Variants in KIF3A observed in about 807,000 individuals in gnomAD.
KIF3A encodes the protein kinesin family member 3A.
Under a neutral mutation model 92.6 loss-of-function variants are expected in KIF3A, and 27 were observed. That is an observed-to-expected ratio of 0.29 (90% CI 0.21 to 0.40). KIF3A has a LOEUF of 0.40. Ranked by LOEUF, KIF3A falls within the 10% of genes least tolerant of loss-of-function variation. The pLI, the probability that KIF3A is intolerant of heterozygous loss-of-function variation, is 1.00. For synonymous variants in KIF3A, 250 were observed against 275.4 expected, an observed-to-expected ratio of 0.91 and a Z score of 0.92; for missense variants, 581 against 872.6, an observed-to-expected ratio of 0.67 and a Z score of 4.21.
intron 2 of KIF3A, among the ~76,000 whole-genome samples, chr5:132,728,906 AC>A (rs1426578312): frequency 2.0e-5 from 3 of 152,082 alleles, no homozygotes; most frequent in African/African-American, 2.4e-5. Context: ...ACACAGTGAG[AC>A]CCCATCTCTA....
intron 12 of KIF3A, 61 bp from the exon 13 acceptor site, chr5:132,703,126 T>A: frequency 7.1e-7 from 1 of 1,404,958 alleles, no homozygotes; most frequent in South Asian, 1.3e-5. Context: ...ACTAATATCA[T>A]TTCCCAAAAT....
At chr5:132,696,789 C>G (rs1752853926) in intron 18 of KIF3A, 107 bp from the exon 19 acceptor site, 3 of 802,162 alleles carry the variant, frequency 3.7e-6, no homozygotes, top group Non-Finnish European at 4.1e-6. Context: ...AGTCTGGAAA[C>G]AAGCCAAAAT....
At chr5:132,703,118 T>A in intron 12 of KIF3A, 53 bp from the exon 13 acceptor site, 1 of 1,445,984 alleles carries the variant, frequency 6.9e-7, no homozygotes, top group Non-Finnish European at 9.4e-7. Flanking sequence ...ATTATTCTAC[T>A]AATATCATTT....
At chr5:132,707,667 T>C (rs1353377502) in intron 10 of KIF3A, among the ~76,000 whole-genome samples, 4 of 152,112 alleles carry the variant, frequency 2.6e-5, no homozygotes, top group Non-Finnish European at 5.9e-5. Context: ...AAATTGTCAA[T>C]AGAGAAGGAG....
downstream of KIF3A, among the ~76,000 whole-genome samples, chr5:132,691,863 C>T (rs1752673094): frequency 6.6e-6 from 1 of 151,208 alleles, no homozygotes; most frequent in Admixed American, 6.6e-5. Context: ...GACTGTGCCA[C>T]TGCACTCCAG....
downstream of KIF3A, among the ~76,000 whole-genome samples, chr5:132,689,395 A>G (rs1231962489): frequency 6.6e-6 from 1 of 152,214 alleles, no homozygotes; most frequent in African/African-American, 2.4e-5. Flanking sequence ...ACAGAAAATA[A>G]CATTATTAGG....
chr5:132,717,636 T>TA lies in KIF3A; in HGVS notation c.617-653dup, dbSNP rs577412461. On this transcript the variant is annotated intron_variant, in intron 5 of 18. Coordinates refer to ENST00000403231, the MANE Select transcript of KIF3A (RefSeq NM_001300791.2). ...AATACATAACATAATCCTACTTCTG[T>TA]AAAAAAAAAAAATCCATTCAAAATA... Among the ~76,000 whole-genome samples the TA allele has an allele frequency of 1.7e-3, 244 of 145,718 alleles. 1 individual carries two copies. Among genetic ancestry groups the TA allele is most frequent in the African/African-American group, 4.7e-3 (190 of 40,034 alleles).
intron 1 of KIF3A, among the ~76,000 whole-genome samples, chr5:132,734,994 A>C (rs1754343426): frequency 6.6e-6 from 1 of 152,252 alleles, no homozygotes; most frequent in Non-Finnish European, 1.5e-5. Context: ...GACAGAAATG[A>C]AAGTCTAATG....
intron 4 of KIF3A, chr5:132,723,075 T>C (rs1462648133): frequency 6.6e-6 from 1 of 152,150 alleles, no homozygotes; most frequent in Non-Finnish European, 1.5e-5. Context: ...AAAACGTATG[T>C]TATTTAGAAA....
chr5:132,730,365 C>G (rs1754184590), intron 2 of KIF3A, among the ~76,000 whole-genome samples: 1 of 151,786 alleles, frequency 6.6e-6, no homozygotes, highest in African/African-American at 2.4e-5. Flanking sequence ...ACCCAGGTGG[C>G]TGAGGCGAGA....
In KIF3A at chr5:132,729,633, A is replaced by T. The variant is rs77437025; in HGVS notation, c.281-3135T>A. Reference sequence around the variant, plus strand: ...ATTTAAAAATATTTGGAAACTAAATAACACATTTCTAAATAACCCAGGATC... The same window carrying T: ...ATTTAAAAATATTTGGAAACTAAATTACACATTTCTAAATAACCCAGGATC... On this transcript the variant is annotated intron_variant, in intron 2 of 18. Transcript: ENST00000403231. Among the ~76,000 whole-genome samples the T allele has an allele frequency of 1.2e-4, 18 of 152,366 alleles. No homozygotes were observed. In the East Asian group the frequency reaches 3.5e-3, roughly 29 times the overall value.
chr5:132,716,263 T>C lies in KIF3A; in HGVS notation c.936A>G (p.Gly312=). Residue 312 remains glycine, a synonymous_variant, in exon 7 of 19, where the codon GGA becomes GGG. Transcript: ENST00000403231. ...GTCTTACCATCATGGTTTTTGAATTTCCTCCTAAGGAATCCTGAAGAAGAC... is the reference window on the plus strand; with the variant it reads ...GTCTTACCATCATGGTTTTTGAATTCCCTCCTAAGGAATCCTGAAGAAGAC... ...LTRLLQDSLG[G]NSKTMMCANI... 1 of 1,613,816 alleles carries C rather than the reference T, an allele frequency of 6.2e-7. No homozygotes were observed. The highest frequency in any genetic ancestry group is 1.1e-5 in the South Asian group (1 of 91,044).
intron 4 of KIF3A, among the ~76,000 whole-genome samples, chr5:132,724,806 A>AAAAATTATAT (rs59476182): frequency 4.4e-5 from 1 of 22,694 alleles, no homozygotes; most frequent in African/African-American, 1.8e-4. Context: ...AAAAAAAAAA[A>AAAAATTATAT]ATATATATAT....
chr5:132,697,046 G>C (rs1752862608), intron 18 of KIF3A, among the ~76,000 whole-genome samples: 1 of 152,188 alleles, frequency 6.6e-6, no homozygotes, highest in African/African-American at 2.4e-5. Context: ...AGTGGATTCA[G>C]AGGAAATCAG....
chr5:132,705,189 C>T (rs995815113), intron 11 of KIF3A, among the ~76,000 whole-genome samples: 7 of 151,854 alleles, frequency 4.6e-5, no homozygotes, highest in African/African-American at 1.4e-4. Context: ...CTACTATTCC[C>T]AAACTACTTA....
intron 5 of KIF3A, 38 bp downstream of exon 5, chr5:132,720,571 C>T (rs776623811): frequency 7.3e-7 from 1 of 1,365,086 alleles, no homozygotes; most frequent in South Asian, 1.2e-5. Flanking sequence ...GCCTACTCAA[C>T]ACACAGATGC....
At position 132,703,568 on chromosome 5, in the gene KIF3A, T is replaced by G; in HGVS notation, c.1361A>C (p.Asp454Ala). ...TGTTTCAAGTGCTTTTCTCTCCTCA[T>G]CAATTTTTGCTTGCATTTCAATCAT... ...DKMIEMQAKI[D>A]EERKALETKL... The change falls in exon 12 of 19, where the codon GAT becomes GCT. Residue 454 changes from aspartate to alanine, a missense_variant. Asp to Ala is a moderately radical substitution (Grantham distance 126). Transcript: ENST00000403231. 6.2e-7 allele frequency: 1 copy of G among 1,612,140 alleles called. No individual in the cohort carries two copies. Among genetic ancestry groups the G allele is most frequent in the Non-Finnish European group, 8.5e-7 (1 of 1,179,014 alleles).
chr5:132,690,882 G>A (rs946162596), downstream of KIF3A, among the ~76,000 whole-genome samples: 2 of 152,006 alleles, frequency 1.3e-5, no homozygotes, highest in South Asian at 2.1e-4. Flanking sequence ...AGCTGAAATC[G>A]TGCCACTGCA....
At chr5:132,737,058 C>G (rs1754417680) in intron 1 of KIF3A, 2 of 395,050 alleles carry the variant, frequency 5.1e-6, no homozygotes, top group South Asian at 7.2e-5. Flanking sequence ...ACCAGGTGTG[C>G]AGCATCCAAA....
Sources: gnomAD v4.1 joint callset for allele counts (sites outside exome capture counted in the v4.1 genomes callset) on GRCh38, gnomAD v4.1.1 for gene constraint, MANE v1.5 for transcripts, NCBI Gene and HGNC (gene_info 2026-07-23, HGNC 2026-07-21) for gene names.